Variants in WDR4 observed in about 807,000 individuals in gnomAD.
WDR4 encodes the protein WDR4 tRNA N7-guanosine methyltransferase non-catalytic subunit, also known as tRNA (guanine-N(7)-)-methyltransferase non-catalytic subunit WDR4.
In WDR4, 47 loss-of-function variants were observed where a neutral mutation model predicts 48.6. That is an observed-to-expected ratio of 0.97 (90% confidence interval 0.77 to 1.23). WDR4 has a LOEUF of 1.23. Among genes scored for constraint, WDR4 ranks in the 50% most tolerant of loss-of-function variants. The probability of loss-of-function intolerance (pLI) is 0.00; values close to 1 mark genes in which losing one functional copy is unlikely to be tolerated. For missense variants in WDR4, 606 were observed against 551.6 expected, an observed-to-expected ratio of 1.10 and a Z score of -0.99; for synonymous variants, 268 against 230.0, an observed-to-expected ratio of 1.17 and a Z score of -1.49.
chr21:42,852,930 A>AG, intron 9 of WDR4, among the ~76,000 whole-genome samples: 1 of 151,122 alleles, frequency 6.6e-6, no homozygotes. Flanking sequence ...AAAAAAAAAA[A>AG]GTGCTTCCAA....
intron 3 of WDR4, among the ~76,000 whole-genome samples, chr21:42,867,517 G>C (rs2058275773): frequency 1.3e-5 from 2 of 152,120 alleles, no homozygotes; most frequent in Non-Finnish European, 1.5e-5. Flanking sequence ...GACGAAAAGT[G>C]CTTTGCACTT....
At chr21:42,852,921 A>C (rs928127514) in intron 9 of WDR4, among the ~76,000 whole-genome samples, 2 of 151,676 alleles carry the variant, frequency 1.3e-5, no homozygotes, top group Non-Finnish European at 2.9e-5. Flanking sequence ...GTCTCAAAAA[A>C]AAAAAAAAAG....
chr21:42,862,192 G>A lies in WDR4; in HGVS notation c.566+90C>T, dbSNP rs1444461981. 1.8e-5 allele frequency: 22 copies of A among 1,253,766 alleles called. No homozygotes were observed. Among genetic ancestry groups the A allele is most frequent in the East Asian group, 2.5e-5 (1 of 39,270 alleles). 77.7% of individuals were successfully genotyped at this position (1,253,766 alleles called of 1,614,324 possible). On this transcript the variant is annotated intron_variant, in intron 5 of 10. Transcript: ENST00000398208. The surrounding 1 kb of genome is among the most constrained non-coding windows in gnomAD (Gnocchi z 4.3). ...GCTGCTGTCACCCGCGTGGGGCCTC[G>A]CCAGCTACAACGGCACCTGCTGAGC... is the stretch of plus-strand genomic sequence containing the variant.
At chr21:42,880,815 C>A (rs1458913512), upstream of WDR4, among the ~76,000 whole-genome samples, 5 of 152,168 alleles carry the variant, frequency 3.3e-5, no homozygotes, top group Admixed American at 2.6e-4. Context: ...CTAAACTGTT[C>A]TGTCCACATT....
chr21:42,871,982 G>C (rs2058377649), intron 3 of WDR4, among the ~76,000 whole-genome samples: 1 of 112,420 alleles, frequency 8.9e-6, no homozygotes, highest in Non-Finnish European at 1.9e-5. Flanking sequence ...ATGCCACCTA[G>C]AATTTGGCTT....
intron 9 of WDR4, among the ~76,000 whole-genome samples, chr21:42,853,125 G>A (rs1408986222): frequency 6.6e-6 from 1 of 152,098 alleles, no homozygotes; most frequent in East Asian, 1.9e-4. Context: ...AGACCCCACT[G>A]TCTCCCCAGA....
the WDR4 span, among the ~76,000 whole-genome samples, chr21:42,889,731 C>T: frequency 6.6e-6 from 1 of 152,090 alleles, no homozygotes; most frequent in African/African-American, 2.4e-5. Flanking sequence ...ATTTGGAGCC[C>T]AAGGGTTTTC....
chr21:42,852,915 C>CAAA (rs56058858), intron 9 of WDR4, among the ~76,000 whole-genome samples: 28 of 135,382 alleles, frequency 2.1e-4, no homozygotes, highest in Non-Finnish European at 2.4e-4. Context: ...AACTCCGTCT[C>CAAA]AAAAAAAAAA....
intron 8 of WDR4, 89 bp from the exon 9 acceptor site, chr21:42,853,841 G>A (rs564818408): frequency 1.3e-4 from 180 of 1,379,072 alleles, no homozygotes; most frequent in Middle Eastern, 7.3e-4. Context: ...TGCAGCCCTC[G>A]CCGGTGCCAC....
At chr21:42,851,107 G>A (rs2057816131) in intron 10 of WDR4, among the ~76,000 whole-genome samples, 1 of 152,210 alleles carries the variant, frequency 6.6e-6, no homozygotes, top group Non-Finnish European at 1.5e-5. Context: ...AACATCTCAG[G>A]AGAGCGAGCC....
Position 42,850,126 on chromosome 21 carries a change from G to A in WDR4, c.1162C>T (p.Arg388Trp), listed in dbSNP as rs756642989. Residue 388 changes from arginine (R) to tryptophan (W), a missense_variant, in exon 11 of 11, where the codon CGG (arginine) becomes TGG (tryptophan). Coordinates refer to ENST00000398208, the MANE Select transcript of WDR4 (RefSeq NM_018669.6). ...GGCCCAGGCGGGGGACTCCGGCGCC[G>A]CTGCTTCTTCTCTAGCTGCTGCTGC... ...RLQQQLEKKQRRRSPPPGPDG... is the reference protein window; with the variant it reads ...RLQQQLEKKQWRRSPPPGPDG... The A allele has an allele frequency of 1.2e-5, 20 of 1,613,950 alleles. No homozygotes were observed. Among genetic ancestry groups the A allele is most frequent in the South Asian group, 1.1e-5 (1 of 91,060 alleles).
chr21:42,863,176 C>T (rs2058158140), intron 4 of WDR4, among the ~76,000 whole-genome samples: 1 of 152,200 alleles, frequency 6.6e-6, no homozygotes, highest in South Asian at 2.1e-4. Context: ...CCACCACTCC[C>T]CTGCTCCCAA....
chr21:42,865,118 C>T (rs1156891685), intron 3 of WDR4, among the ~76,000 whole-genome samples: 2 of 152,188 alleles, frequency 1.3e-5, no homozygotes, highest in South Asian at 2.1e-4. Flanking sequence ...TGGGCCACAC[C>T]CCAGGCTGGA....
intron 5 of WDR4, among the ~76,000 whole-genome samples, chr21:42,860,924 G>A (rs1163368916): frequency 6.6e-6 from 1 of 152,162 alleles, no homozygotes; most frequent in Non-Finnish European, 1.5e-5. Context: ...TGTCAGCAAA[G>A]GGCACAGAAC....
intron 8 of WDR4, among the ~76,000 whole-genome samples, chr21:42,854,054 C>T (rs745667942): frequency 6.6e-5 from 10 of 152,348 alleles, no homozygotes; most frequent in Middle Eastern, 3.4e-3. Context: ...CTCACACCTG[C>T]GTACTTCCAG....
At chr21:42,881,304 G>C (rs1331420454), upstream of WDR4, among the ~76,000 whole-genome samples, 1 of 152,156 alleles carries the variant, frequency 6.6e-6, no homozygotes, top group African/African-American at 2.4e-5. Context: ...TTTGGCCCAG[G>C]TTATGACTTA....
At chr21:42,877,463 G>C (rs546239522) in intron 1 of WDR4, among the ~76,000 whole-genome samples, 1 of 141,628 alleles carries the variant, frequency 7.1e-6, no homozygotes, top group African/African-American at 2.6e-5. Flanking sequence ...TTTTAAAAGA[G>C]CACTTTGTTA....
the WDR4 span, among the ~76,000 whole-genome samples, chr21:42,885,141 C>T: frequency 8.5e-5 from 13 of 152,252 alleles, no homozygotes; most frequent in African/African-American, 2.4e-4. Flanking sequence ...GTCAAATTGT[C>T]TCTCCATGAA....
chr21:42,854,662 C>T lies in WDR4; in HGVS notation c.727-36G>A, dbSNP rs1350811731. The T allele has an allele frequency of 2.5e-6, 4 of 1,603,932 alleles. No homozygotes were observed. The African/African-American group carries it at 4.0e-5, about 16-fold the overall frequency. On this transcript the variant is annotated intron_variant, in intron 7 of 10. Transcript: ENST00000398208. ...AAGAAGCCCATTAACTTCACGCCAC[C>T]TGCAGGGGCCCGACGCCGGGCGCTC...
Sources: allele counts gnomAD v4.1 joint callset (sites outside exome capture counted in the v4.1 genomes callset), GRCh38; gene constraint gnomAD v4.1.1; non-coding constraint Gnocchi (gnomAD v3.1); transcripts MANE v1.5; gene names NCBI Gene and HGNC (gene_info 2026-07-23, HGNC 2026-07-21).